Variants in ADCY1 observed in about 807,000 individuals in gnomAD.
ADCY1 encodes the protein adenylate cyclase type 1.
Under a neutral mutation model 105.4 loss-of-function variants are expected in ADCY1, and 28 were observed. That is an observed-to-expected ratio of 0.27 (90% confidence interval 0.20 to 0.36). The LOEUF (loss-of-function observed/expected upper bound fraction) is 0.36. Ranked by LOEUF, ADCY1 falls within the 10% of genes least tolerant of loss-of-function variation. The pLI is 1.00. For synonymous variants in ADCY1, 655 were observed against 623.8 expected (o/e 1.05, Z -0.75); for missense variants, 977 against 1,434.2 (o/e 0.68, Z 5.15).
At chr7:45,656,440 G>T (rs1156603211) in intron 5 of ADCY1, among the ~76,000 whole-genome samples, 2 of 152,262 alleles carry the variant, frequency 1.3e-5, no homozygotes, top group Non-Finnish European at 2.9e-5. Context: ...CGTGTGCTGG[G>T]ACTTGTGTGA....
chr7:45,610,810 G>A (rs1793538073), intron 3 of ADCY1, among the ~76,000 whole-genome samples: 12 of 151,430 alleles, frequency 7.9e-5, no homozygotes, highest in South Asian at 2.1e-4. Flanking sequence ...GGAGGTGATG[G>A]TGGAGGTATG....
chr7:45,610,747 ATGATGG>A (rs1793522492), intron 3 of ADCY1, among the ~76,000 whole-genome samples: 3 of 128,236 alleles, frequency 2.3e-5, no homozygotes, highest in African/African-American at 5.8e-5. Context: ...TGGGGAGGTG[ATGATGG>A]AGGTGTAGAG....
intron 2 of ADCY1, among the ~76,000 whole-genome samples, chr7:45,602,316 G>A (rs1793262222): frequency 6.6e-6 from 1 of 152,006 alleles, no homozygotes; most frequent in Non-Finnish European, 1.5e-5. Context: ...CAGCTGGAGA[G>A]CACAGGGTGA....
intron 3 of ADCY1, among the ~76,000 whole-genome samples, chr7:45,619,066 G>A (rs1369948484): frequency 2.0e-5 from 3 of 152,162 alleles, no homozygotes; most frequent in Admixed American, 6.5e-5. Flanking sequence ...GTGTCAACAT[G>A]GGTGTTCCCA....
rs1007197050 is a variant in ADCY1, at chr7:45,660,944, G to C, written c.1449+761G>C. On this transcript the variant is annotated intron_variant, in intron 7 of 19. Transcript: ENST00000297323. ...TGAGGGTGTAGGGCTCAGGTCAGGG[G>C]TTCATGGCTCAGGTGAGATGTTCAG... Among the ~76,000 whole-genome samples, 15 of 149,672 alleles carry C rather than the reference G, an allele frequency of 1.0e-4. No homozygotes were observed. The East Asian group carries it at 3.0e-3, about 30-fold the overall frequency.
At chr7:45,680,323 C>T (rs1162112401) in intron 11 of ADCY1, 1 of 184,456 alleles carries the variant, frequency 5.4e-6, no homozygotes, top group African/African-American at 2.3e-5. Context: ...TATCTGGGCC[C>T]TGATGCCTCA....
chr7:45,629,803 G>A (rs1056516313), intron 4 of ADCY1, among the ~76,000 whole-genome samples: 36 of 152,336 alleles, frequency 2.4e-4, no homozygotes, highest in African/African-American at 7.0e-4. Context: ...ACAGGCGTGA[G>A]CCACCGCGCC....
chr7:45,704,409 C>T (rs1033158941), intron 16 of ADCY1, 109 bp from the exon 17 acceptor site: 3 of 876,628 alleles, frequency 3.4e-6, no homozygotes, highest in Non-Finnish European at 5.5e-6. Flanking sequence ...AGACATGTTG[C>T]TTTCCTGAAT....
chr7:45,660,025 GCCT>G lies in ADCY1; in HGVS notation c.1308-10_1308-8del, dbSNP rs1261200341. On this transcript the variant is annotated splice_polypyrimidine_tract_variant and intron_variant, in intron 6 of 19. Coordinates refer to ENST00000297323, the MANE Select transcript of ADCY1 (RefSeq NM_021116.4). Reference sequence around the variant, plus strand: ...GTGGTTCCCCACTCATCTGGCCTCTGCCTCCTCCTTTTGTAGGAAGGTTCATAT... The same window carrying G: ...GTGGTTCCCCACTCATCTGGCCTCTGCCTCCTTTTGTAGGAAGGTTCATAT... 2 of 1,613,872 alleles carry G rather than the reference GCCT, an allele frequency of 1.2e-6. No homozygotes were observed. The highest frequency in any genetic ancestry group is 1.7e-5 in the Admixed American group (1 of 60,004).
chr7:45,686,417 G>T lies in ADCY1; in HGVS notation c.2328-130G>T, dbSNP rs562864485. 20 of 1,449,894 alleles carry T rather than the reference G, an allele frequency of 1.4e-5. No homozygotes were observed. In the African/African-American group the frequency reaches 2.7e-4, roughly 20 times the overall value. 89.8% of individuals were successfully genotyped at this position (1,449,894 alleles called of 1,614,324 possible). On this transcript the variant is annotated intron_variant, in intron 13 of 19. Transcript: ENST00000297323. The surrounding 1 kb of genome is among the most constrained non-coding windows in gnomAD (Gnocchi z 4.3). The stretch of plus-strand genomic sequence containing the variant: ...CTATGATAAGTGATTCTTGGCCAAG[G>T]TCAATCCCAGCAAGCTGTTTTTGGG...
chr7:45,641,441 G>A (rs1794521726), intron 4 of ADCY1, among the ~76,000 whole-genome samples: 1 of 152,178 alleles, frequency 6.6e-6, no homozygotes, highest in Non-Finnish European at 1.5e-5. Context: ...GGTTAGTCTT[G>A]TTTGGTCTCT....
intron 19 of ADCY1, among the ~76,000 whole-genome samples, chr7:45,711,822 T>C (rs1202542363): frequency 4.3e-5 from 1 of 23,208 alleles, no homozygotes; most frequent in Non-Finnish European, 1.0e-4. Flanking sequence ...TACAATGTAC[T>C]TTTAAAATAT....
intron 4 of ADCY1, among the ~76,000 whole-genome samples, chr7:45,634,422 TG>T (rs1484323913): frequency 7.2e-6 from 1 of 138,496 alleles, no homozygotes; most frequent in Non-Finnish European, 1.6e-5. Context: ...TCTAGTTTGC[TG>T]AGTTTTTTTT....
At chr7:45,613,752 G>A (rs1793655844) in intron 3 of ADCY1, among the ~76,000 whole-genome samples, 1 of 152,122 alleles carries the variant, frequency 6.6e-6, no homozygotes, top group South Asian at 2.1e-4. Context: ...AGGACAAAGG[G>A]AGAATTTTGA....
intron 1 of ADCY1, among the ~76,000 whole-genome samples, chr7:45,590,101 G>A (rs1307683722): frequency 1.3e-5 from 2 of 152,108 alleles, no homozygotes; most frequent in African/African-American, 4.8e-5. Flanking sequence ...AGATGAGGGG[G>A]ACCGGCCGCC....
rs967499329 is a variant in ADCY1, at chr7:45,718,117, C to T, written c.*4122C>T. 3.3e-5 allele frequency: 5 copies of T among 152,020 alleles called. No homozygotes were observed. Among genetic ancestry groups the T allele is most frequent in the African/African-American group, 7.3e-5 (3 of 41,346 alleles). The allele number at this position is 152,020 out of a possible 1,614,324, so 9.4% of individuals were successfully genotyped here. On this transcript the variant is annotated 3_prime_UTR_variant, in exon 20 of 20. Transcript: ENST00000297323. ...CCCAGGTCTGGTGAGCAGACAGAGC[C>T]GGCGTTAAACCCCGATCAGGTCATT...
chr7:45,630,612 T>G (rs904759675), intron 4 of ADCY1, among the ~76,000 whole-genome samples: 4 of 152,200 alleles, frequency 2.6e-5, no homozygotes, highest in African/African-American at 9.7e-5. Context: ...TGTGTGTTCC[T>G]CTTCATTCTT....
chr7:45,664,370 A>G (rs1229399680), intron 8 of ADCY1: 9 of 1,536,094 alleles, frequency 5.9e-6, no homozygotes, highest in Non-Finnish European at 7.0e-6. Flanking sequence ...ACGACTGTGC[A>G]CGTAGCTTCA....
intron 4 of ADCY1, among the ~76,000 whole-genome samples, chr7:45,632,212 G>T (rs923945888): frequency 6.6e-6 from 1 of 152,068 alleles, no homozygotes; most frequent in Non-Finnish European, 1.5e-5. Context: ...ACACACCCTG[G>T]CCCTGTAGTT....
Sources: gnomAD v4.1 joint callset for allele counts (sites outside exome capture counted in the v4.1 genomes callset) on GRCh38, gnomAD v4.1.1 for gene constraint, Gnocchi (gnomAD v3.1) non-coding constraint, MANE v1.5 for transcripts, NCBI Gene and HGNC (gene_info 2026-07-23, HGNC 2026-07-21) for gene names.